ITPK1: variants seen among roughly 807,000 people sequenced by gnomAD.
The protein encoded by ITPK1 is inositol-tetrakisphosphate 1-kinase, also known as inositol 1,3,4-trisphosphate 5/6-kinase.
In ITPK1, 21 loss-of-function variants were observed where a neutral mutation model predicts 45.3. The ratio of observed to expected loss-of-function variants is 0.46; its 90% confidence interval spans 0.33 to 0.67. The LOEUF (loss-of-function observed/expected upper bound fraction) is 0.67. Among genes scored for constraint, ITPK1 ranks in the 30% least tolerant of loss-of-function variants. The probability of loss-of-function intolerance (pLI) is 0.02; values close to 1 mark genes in which losing one functional copy is unlikely to be tolerated. For synonymous variants in ITPK1, 258 were observed against 253.6 expected, an observed-to-expected ratio of 1.02 and a Z score of -0.16; for missense variants, 474 against 573.5, an observed-to-expected ratio of 0.83 and a Z score of 1.77.
At chr14:92,941,961 G>T in intron 10 of ITPK1, 57 bp from the exon 11 acceptor site, 1 of 1,476,754 alleles carries the variant, frequency 6.8e-7, no homozygotes, top group Non-Finnish European at 9.3e-7. Context: ...GCATCATGCA[G>T]GGAGGAGGAG....
At chr14:93,060,372 T>A (rs1053968160) in intron 3 of ITPK1, among the ~76,000 whole-genome samples, 1 of 152,168 alleles carries the variant, frequency 6.6e-6, no homozygotes, top group Non-Finnish European at 1.5e-5. Flanking sequence ...GAACACGTTC[T>A]GGGTCACCAC....
intron 8 of ITPK1, among the ~76,000 whole-genome samples, chr14:92,955,866 G>A (rs1275479548): frequency 6.6e-6 from 1 of 152,244 alleles, no homozygotes; most frequent in Non-Finnish European, 1.5e-5. Flanking sequence ...AAAGAGGCCA[G>A]AGTCCCAAAC....
chr14:93,027,940 C>A (rs1888824789), intron 3 of ITPK1, among the ~76,000 whole-genome samples: 1 of 152,216 alleles, frequency 6.6e-6, no homozygotes, highest in South Asian at 2.1e-4. Context: ...TTCCAAGTCA[C>A]CCAGAGAGCA....
intron 5 of ITPK1, 93 bp downstream of exon 5, chr14:92,993,787 A>C: frequency 1.3e-6 from 1 of 778,472 alleles, no homozygotes; most frequent in Non-Finnish European, 2.3e-6. Flanking sequence ...TTAAAAAGAC[A>C]AGACCCCTCT....
intron 8 of ITPK1, among the ~76,000 whole-genome samples, chr14:92,956,055 C>T (rs1439900518): frequency 2.0e-5 from 3 of 151,922 alleles, no homozygotes; most frequent in Non-Finnish European, 2.9e-5. Flanking sequence ...ACTTAGTTCA[C>T]GTGAACAGAA....
chr14:93,003,509 C>G (rs931371677), intron 4 of ITPK1, among the ~76,000 whole-genome samples: 3 of 152,204 alleles, frequency 2.0e-5, no homozygotes, highest in Non-Finnish European at 4.4e-5. Context: ...TGCCAGGTGG[C>G]CAGGCTGGCA....
chr14:92,978,034 G>A (rs1421887510), intron 5 of ITPK1, among the ~76,000 whole-genome samples: 2 of 152,128 alleles, frequency 1.3e-5, no homozygotes, highest in Middle Eastern at 3.4e-3. Context: ...TGGAATGGTT[G>A]TGACCAAAAT....
At chr14:93,102,027 A>G (rs974219197) in intron 2 of ITPK1, among the ~76,000 whole-genome samples, 1 of 152,174 alleles carries the variant, frequency 6.6e-6, no homozygotes, top group African/African-American at 2.4e-5. Flanking sequence ...ACCACTTAAC[A>G]ATGCAGGGCA....
intron 2 of ITPK1, among the ~76,000 whole-genome samples, chr14:93,100,789 C>A (rs1892283970): frequency 6.6e-6 from 1 of 152,148 alleles, no homozygotes; most frequent in Non-Finnish European, 1.5e-5. Flanking sequence ...GCTGACGAGA[C>A]CCCAATGACT....
intron 5 of ITPK1, among the ~76,000 whole-genome samples, chr14:92,992,601 T>A (rs1236928375): frequency 6.6e-6 from 1 of 152,152 alleles, no homozygotes; most frequent in Non-Finnish European, 1.5e-5. Flanking sequence ...AGCAGCCAGC[T>A]CTTCTGCAGG....
chr14:93,064,986 G>A (rs1435328969), intron 3 of ITPK1, among the ~76,000 whole-genome samples: 2 of 152,156 alleles, frequency 1.3e-5, no homozygotes, highest in Non-Finnish European at 2.9e-5. Context: ...TAGCACGGGA[G>A]GGGGTCATGG....
intron 5 of ITPK1, among the ~76,000 whole-genome samples, chr14:92,990,550 C>G (rs1186873299): frequency 6.6e-6 from 1 of 152,194 alleles, no homozygotes; most frequent in Admixed American, 6.5e-5. Flanking sequence ...TTTGAAGCTG[C>G]CAGAGCCGAG....
chr14:92,938,709 C>T lies in ITPK1; in HGVS notation c.*2852G>A, dbSNP rs1025805666. 3.3e-6 allele frequency: 2 copies of T among 613,466 alleles called. No individual in the cohort carries two copies. Among genetic ancestry groups the T allele is most frequent in the Admixed American group, 2.8e-5 (1 of 36,286 alleles). The allele number at this position is 613,466 out of a possible 1,614,324, so 38.0% of individuals were successfully genotyped here. A position where few individuals can be genotyped will look rare whatever the true frequency, so the allele number is the denominator to read the frequency against. ...ACCCACCACGTGTGGACCCAGACAC[C>T]TCCATGACACCAAGGGCAAAGCACC... On this transcript the variant is annotated 3_prime_UTR_variant, in exon 11 of 11. Transcript: ENST00000267615.
At chr14:93,033,448 C>A (rs1368574653) in intron 3 of ITPK1, among the ~76,000 whole-genome samples, 3 of 152,200 alleles carry the variant, frequency 2.0e-5, no homozygotes, top group East Asian at 3.8e-4. Flanking sequence ...TCCCCACCAC[C>A]TCCTCTGGGC....
In ITPK1 at chr14:93,115,321, G is replaced by A. The variant is rs1483428782; in HGVS notation, c.-142-16C>T. Reference sequence around the variant, plus strand: ...GCGCGCAGTCCTGCCGCGCGGAGCGGAGCGGGGCGGGGCGCGGCGGGCGGC... The same window carrying A: ...GCGCGCAGTCCTGCCGCGCGGAGCGAAGCGGGGCGGGGCGCGGCGGGCGGC... On this transcript the variant is annotated splice_polypyrimidine_tract_variant and intron_variant, in intron 1 of 10. Transcript: ENST00000267615. 4 of 314,640 alleles carry A rather than the reference G, an allele frequency of 1.3e-5. No individual in the cohort carries two copies. The highest frequency in any genetic ancestry group is 4.4e-5 in the African/African-American group (2 of 45,372). 19.5% of individuals were successfully genotyped at this position (314,640 alleles called of 1,614,324 possible). A position where few individuals can be genotyped will look rare whatever the true frequency, so the allele number is the denominator to read the frequency against.
chr14:93,021,686 G>A (rs1888475495), intron 3 of ITPK1, among the ~76,000 whole-genome samples: 1 of 152,148 alleles, frequency 6.6e-6, no homozygotes. Context: ...GATTCCAAAG[G>A]AAGACTGGAG....
chr14:92,980,076 A>T (rs1245557233), intron 5 of ITPK1, among the ~76,000 whole-genome samples: 1 of 152,118 alleles, frequency 6.6e-6, no homozygotes, highest in Non-Finnish European at 1.5e-5. Flanking sequence ...CCACCATGAC[A>T]GGCCTCAAGT....
At chr14:93,015,217 C>T (rs1042938710) in intron 4 of ITPK1, among the ~76,000 whole-genome samples, 2 of 152,230 alleles carry the variant, frequency 1.3e-5, no homozygotes, top group African/African-American at 4.8e-5. Flanking sequence ...AAGACTGACC[C>T]CCGGCTCTGC....
At chr14:93,011,610 T>C (rs990104575) in intron 4 of ITPK1, among the ~76,000 whole-genome samples, 2 of 152,186 alleles carry the variant, frequency 1.3e-5, no homozygotes, top group Non-Finnish European at 2.9e-5. Context: ...CTGTGTAGGC[T>C]GGGCAAGGCT....
Sources: allele counts gnomAD v4.1 joint callset (sites outside exome capture counted in the v4.1 genomes callset), GRCh38; gene constraint gnomAD v4.1.1; transcripts MANE v1.5; gene names NCBI Gene and HGNC (gene_info 2026-07-23, HGNC 2026-07-21).